The following MOB3C variants were observed in gnomAD, a reference collection of about 807,000 sequenced individuals.
The protein encoded by MOB3C is MOB kinase activator 3C.
A neutral mutation model predicts 19.8 loss-of-function variants in MOB3C; 17 were observed. That is an observed-to-expected ratio of 0.86 (90% CI 0.59 to 1.29). The LOEUF is 1.29. Ranked by LOEUF, MOB3C falls within the 50% of genes most tolerant of loss-of-function variation. The pLI is 0.00. For synonymous variants in MOB3C, 101 were observed against 119.2 expected (o/e 0.85, Z 0.99); for missense variants, 291 against 301.9 (o/e 0.96, Z 0.27).
At chr1:46,610,382 C>T (rs1254304344) in intron 2 of MOB3C, among the ~76,000 whole-genome samples, 178 bp from the exon 3 acceptor site, 2 of 152,164 alleles carry the variant, frequency 1.3e-5, no homozygotes, top group Non-Finnish European at 1.5e-5. Context: ...TTTCTTTCTT[C>T]CTTTCTTTTT....
rs915737918 is a variant in MOB3C, at chr1:46,610,040, C to T, written c.583G>A (p.Glu195Lys). 19 of 1,614,066 alleles carry T rather than the reference C, an allele frequency of 1.2e-5. No individual in the cohort carries two copies. The highest frequency in any genetic ancestry group is 6.7e-5 in the East Asian group (3 of 44,892). The part of the protein sequence containing the change: ...CYKHFYYFIR[E>K]FSLVDQRELE... Reference sequence around the variant, plus strand: ...TCCCGCTGGTCCACCAGACTGAACTCGCGGATGAAGTAGTAGAAGTGCTTG... The same window carrying T: ...TCCCGCTGGTCCACCAGACTGAACTTGCGGATGAAGTAGTAGAAGTGCTTG... The change falls in exon 3 of 4, where the codon GAG becomes AAG. Residue 195 changes from glutamate to lysine, a missense_variant. By Grantham distance (56) the Glu-to-Lys change is moderately conservative. Transcript: ENST00000319928.
intron 2 of MOB3C, among the ~76,000 whole-genome samples, chr1:46,610,681 C>T (rs753067462): frequency 6.6e-6 from 1 of 152,182 alleles, no homozygotes; most frequent in African/African-American, 2.4e-5. Context: ...TGTGCCTGGC[C>T]ATACTTTTCT....
At chr1:46,615,544 T>G (rs1378648800) in intron 1 of MOB3C, 1 of 156,936 alleles carries the variant, frequency 6.4e-6, no homozygotes, top group East Asian at 1.9e-4. Flanking sequence ...ATCTTAGAGT[T>G]AAAATAGCCC....
Position 46,613,367 on chromosome 1 carries a change from A to G in MOB3C, c.-46T>C, listed in dbSNP as rs754252369. 2.0e-5 allele frequency: 32 copies of G among 1,594,360 alleles called. No individual in the cohort carries two copies. The highest frequency in any genetic ancestry group is 2.7e-5 in the African/African-American group (2 of 74,670). ...GCTGTCCAGGGGCTCGGACCTGAGG[A>G]TACCCTGCCAGGGACAAGGGCATAG... is the stretch of plus-strand genomic sequence containing the variant. On this transcript the variant is annotated 5_prime_UTR_variant, in exon 2 of 4. Transcript: ENST00000319928.
intron 1 of MOB3C, chr1:46,614,940 G>T: frequency 6.6e-7 from 1 of 1,507,980 alleles, no homozygotes; most frequent in Non-Finnish European, 9.2e-7. Context: ...AGGCCATTCA[G>T]CAGGAACTTG....
Position 46,608,038 on chromosome 1 carries a change from T to C in MOB3C, c.*1617A>G, listed in dbSNP as rs1675395458. 6.6e-6 allele frequency: 1 copy of C among 152,246 alleles called. No homozygotes were observed. Among genetic ancestry groups the C allele is most frequent in the Admixed American group, 6.5e-5 (1 of 15,288 alleles). 9.4% of individuals were successfully genotyped at this position (152,246 alleles called of 1,614,324 possible). A position where few individuals can be genotyped will look rare whatever the true frequency, so the allele number is the denominator to read the frequency against. On this transcript the variant is annotated 3_prime_UTR_variant, in exon 4 of 4. Transcript: ENST00000319928. This position sits in a 1 kb window ranked among gnomAD's most constrained non-coding sequence, Gnocchi z 4.5. ...TTGAGTGGGGCATGATATTGGATGC[T>C]TGGCTCAGGAAACAACCCCAGCCAA...
intron 1 of MOB3C, 92 bp downstream of exon 1, chr1:46,616,619 A>T (rs1675566418): frequency 6.6e-6 from 1 of 151,936 alleles, no homozygotes; most frequent in Non-Finnish European, 1.5e-5. Context: ...TCTCCTCCGG[A>T]CTGTGCCACG....
Position 46,612,896 on chromosome 1 carries a change from ACACT to A in MOB3C, c.418+4_418+7del. The A allele has an allele frequency of 1.3e-6, 2 of 1,537,246 alleles. No individual in the cohort carries two copies. Among genetic ancestry groups the A allele is most frequent in the Non-Finnish European group, 1.8e-6 (2 of 1,140,398 alleles). The stretch of plus-strand genomic sequence containing the variant: ...CCAGTGGCTCCCTCCCCGCCAGGTG[ACACT>A]CACCAACACGCGTGGGAAAGACCTC... On this transcript the variant is annotated splice_donor_5th_base_variant and intron_variant, in intron 2 of 3. Transcript: ENST00000319928.
rs2148801327 is a variant in MOB3C, at chr1:46,608,008, G to C, written c.*1647C>G. ...TTCCCCAAAGTACAGGCAGCTTCTA[G>C]GCCATTGAGTGGGGCATGATATTGG... On this transcript the variant is annotated 3_prime_UTR_variant, in exon 4 of 4. Coordinates refer to ENST00000319928, the MANE Select transcript of MOB3C (RefSeq NM_201403.3). The surrounding 1 kb of genome is among the most constrained non-coding windows in gnomAD (Gnocchi z 4.5). 1 of 152,362 alleles carries C rather than the reference G, an allele frequency of 6.6e-6. No homozygotes were observed. Among genetic ancestry groups the C allele is most frequent in the East Asian group, 1.9e-4 (1 of 5,174 alleles). The allele number at this position is 152,362 out of a possible 1,614,324, so 9.4% of individuals were successfully genotyped here. A position where few individuals can be genotyped will look rare whatever the true frequency, so the allele number is the denominator to read the frequency against.
At chr1:46,610,382 CCTTT>C (rs1345777142) in intron 2 of MOB3C, among the ~76,000 whole-genome samples, 178 bp from the exon 3 acceptor site, 2 of 152,164 alleles carry the variant, frequency 1.3e-5, no homozygotes, top group Non-Finnish European at 1.5e-5. Context: ...TTTCTTTCTT[CCTTT>C]CTTTTTTTCT....
Position 46,609,290 on chromosome 1 carries a change from CTT to C in MOB3C, c.*363_*364del. On this transcript the variant is annotated 3_prime_UTR_variant, in exon 4 of 4. Coordinates refer to ENST00000319928, the MANE Select transcript of MOB3C (RefSeq NM_201403.3). The stretch of plus-strand genomic sequence containing the variant: ...TGCTCACTCACAGGCAGACTGCTCA[CTT>C]TCTTGCACCTTTCTTGCCATCACCT... 5.4e-6 allele frequency: 2 copies of C among 367,838 alleles called. No homozygotes were observed. Among genetic ancestry groups the C allele is most frequent in the Non-Finnish European group, 1.0e-5 (2 of 194,336 alleles). The allele number at this position is 367,838 out of a possible 1,614,324, so 22.8% of individuals were successfully genotyped here.
Position 46,613,264 on chromosome 1 carries a change from G to C in MOB3C, c.58C>G (p.Arg20Gly), listed in dbSNP as rs777449352. ...AKDKTFRPRKRFEPGTQRFEL... is the reference protein window; with the variant it reads ...AKDKTFRPRKGFEPGTQRFEL... ...AAGCGCTGTGTGCCCGGCTCAAAGCGCTTCCGCGGCCGGAACGTCTTGTCC... is the reference window on the plus strand; with the variant it reads ...AAGCGCTGTGTGCCCGGCTCAAAGCCCTTCCGCGGCCGGAACGTCTTGTCC... The change falls in exon 2 of 4, where the codon CGC (arginine) becomes GGC (glycine). Residue 20 changes from arginine to glycine, a missense_variant. Arg to Gly is a moderately radical substitution (Grantham distance 125). Coordinates refer to ENST00000319928, the MANE Select transcript of MOB3C (RefSeq NM_201403.3). 1.9e-6 allele frequency: 3 copies of C among 1,613,340 alleles called. No individual in the cohort carries two copies. Among genetic ancestry groups the C allele is most frequent in the South Asian group, 2.2e-5 (2 of 91,088 alleles).
At position 46,612,972 on chromosome 1, in the gene MOB3C, T is replaced by C. The variant is rs1286922576; in HGVS notation, c.350A>G (p.Tyr117Cys). The change falls in exon 2 of 4, where the codon TAT (tyrosine) becomes TGT (cysteine). Residue 117 changes from tyrosine to cysteine, a missense_variant. By Grantham distance (194) the Tyr-to-Cys change is radical. Coordinates refer to ENST00000319928, the MANE Select transcript of MOB3C (RefSeq NM_201403.3). ...RRPAKLSAPRYMALLMDWIEG... is the reference protein window; with the variant it reads ...RRPAKLSAPRCMALLMDWIEG... ...GATCCAGTCCATGAGCAATGCCATA[T>C]AGCGCGGCGCAGAGAGCTTGGCGGG... is the stretch of plus-strand genomic sequence containing the variant. 10 of 1,608,542 alleles carry C rather than the reference T, an allele frequency of 6.2e-6. No individual in the cohort carries two copies. The African/African-American group carries it at 6.7e-5, about 11-fold the overall frequency.
chr1:46,609,063 C>T lies in MOB3C; in HGVS notation c.*592G>A, dbSNP rs1292363970. The stretch of plus-strand genomic sequence containing the variant: ...GCACTTACACACATGGTCAGATACA[C>T]TGAGTGGGGACGCTGAGCTGTCATC... On this transcript the variant is annotated 3_prime_UTR_variant, in exon 4 of 4. Transcript: ENST00000319928. 6.2e-6 allele frequency: 1 copy of T among 162,294 alleles called. No individual in the cohort carries two copies. The highest frequency in any genetic ancestry group is 2.4e-5 in the African/African-American group (1 of 41,488). The allele number at this position is 162,294 out of a possible 1,614,324, so 10.1% of individuals were successfully genotyped here. A position where few individuals can be genotyped will look rare whatever the true frequency, so the allele number is the denominator to read the frequency against.
At chr1:46,610,635 G>A (rs767503686) in intron 2 of MOB3C, among the ~76,000 whole-genome samples, 18 of 152,178 alleles carry the variant, frequency 1.2e-4, no homozygotes, top group Non-Finnish European at 1.0e-4. Context: ...CACCTGCCTC[G>A]TCCTCCTAAA....
intron 2 of MOB3C, among the ~76,000 whole-genome samples, chr1:46,612,608 A>G (rs1372367678): frequency 2.0e-5 from 3 of 150,526 alleles, no homozygotes; most frequent in South Asian, 2.1e-4. Context: ...AGGTTGCAGT[A>G]AGCTGAGATC....
chr1:46,610,807 C>A (rs1675451899), intron 2 of MOB3C, among the ~76,000 whole-genome samples: 1 of 152,196 alleles, frequency 6.6e-6, no homozygotes, highest in African/African-American at 2.4e-5. Flanking sequence ...CACTGACCAA[C>A]CCTTTTTAGA....
intron 1 of MOB3C, 67 bp downstream of exon 1, chr1:46,616,644 G>A (rs1372864254): frequency 6.6e-6 from 1 of 152,560 alleles, no homozygotes; most frequent in Non-Finnish European, 1.5e-5. Context: ...GACGGCCGAA[G>A]AAATGAAAGT....
Position 46,613,390 on chromosome 1 carries a change from T to C in MOB3C, c.-50-19A>G. 6.4e-7 allele frequency: 1 copy of C among 1,573,584 alleles called. No homozygotes were observed. The highest frequency in any genetic ancestry group is 8.6e-7 in the Non-Finnish European group (1 of 1,165,884). On this transcript the variant is annotated intron_variant, in intron 1 of 3. Coordinates refer to ENST00000319928, the MANE Select transcript of MOB3C (RefSeq NM_201403.3). ...GGATACCCTGCCAGGGACAAGGGCA[T>C]AGGGGAGCTGGCGGTCAAGGCCTTA...
Sources: allele counts gnomAD v4.1 joint callset (sites outside exome capture counted in the v4.1 genomes callset), GRCh38; gene constraint gnomAD v4.1.1; non-coding constraint Gnocchi (gnomAD v3.1); transcripts MANE v1.5; gene names NCBI Gene and HGNC (gene_info 2026-07-23, HGNC 2026-07-21).